The following POLR3B variants were observed in gnomAD, a reference collection of about 807,000 sequenced individuals.
POLR3B encodes RNA polymerase III subunit B.
Under a neutral mutation model 147.4 loss-of-function variants are expected in POLR3B, and 96 were observed. That is an observed-to-expected ratio of 0.65 (90% CI 0.55 to 0.77). The LOEUF (loss-of-function observed/expected upper bound fraction) is 0.77. POLR3B is among the 30% of genes least tolerant of loss of function. The pLI is 0.00. For synonymous variants in POLR3B, 461 were observed against 485.9 expected, an observed-to-expected ratio of 0.95 and a Z score of 0.67; for missense variants, 1,036 against 1,413.5, an observed-to-expected ratio of 0.73 and a Z score of 4.28.
intron 23 of POLR3B, among the ~76,000 whole-genome samples, chr12:106,468,166 C>T (rs1472837555): frequency 6.6e-6 from 1 of 152,090 alleles, no homozygotes; most frequent in African/African-American, 2.4e-5. Context: ...CAACTTCTTC[C>T]TGGTTTAGTC....
intron 10 of POLR3B, among the ~76,000 whole-genome samples, chr12:106,397,234 T>C (rs541789429): frequency 6.6e-6 from 1 of 152,130 alleles, no homozygotes; most frequent in Non-Finnish European, 1.5e-5. Flanking sequence ...GTACAGAGAA[T>C]AGTGTTATAA....
At chr12:106,358,082 A>C (rs1170417995) in intron 1 of POLR3B, 131 bp downstream of exon 1, 3 of 1,530,966 alleles carry the variant, frequency 2.0e-6, no homozygotes, top group Non-Finnish European at 2.6e-6. Flanking sequence ...GCGCATGCCC[A>C]GAGCGTCGCG....
At chr12:106,389,036 A>T (rs1593012674) in intron 9 of POLR3B, among the ~76,000 whole-genome samples, 1 of 152,156 alleles carries the variant, frequency 6.6e-6, no homozygotes, top group Admixed American at 6.5e-5. Flanking sequence ...TTTACTTTTG[A>T]CTTATTAGAA....
chr12:106,401,196 G>C lies in POLR3B; in HGVS notation c.847-4661G>C, dbSNP rs528447659. Among the ~76,000 whole-genome samples, 635 of 152,166 alleles carry C rather than the reference G, an allele frequency of 4.2e-3. 7 individuals carry two copies. The highest frequency in any genetic ancestry group is 0.014 in the African/African-American group (597 of 41,528). ...TACCATCAGAGAATACTATAAACAT[G>C]TCTATGCAAATAAACTAGAAAATCT... On this transcript the variant is annotated intron_variant, in intron 10 of 27. Transcript: ENST00000228347.
At chr12:106,474,552 TG>T (rs1222342350) in intron 23 of POLR3B, among the ~76,000 whole-genome samples, 1 of 144,216 alleles carries the variant, frequency 6.9e-6, no homozygotes, top group Non-Finnish European at 1.5e-5. Context: ...CTCCTGTTAT[TG>T]GTCTATTCAG....
chr12:106,372,857 A>G (rs1274334876), intron 6 of POLR3B, among the ~76,000 whole-genome samples: 1 of 149,308 alleles, frequency 6.7e-6, no homozygotes, highest in Non-Finnish European at 1.5e-5. Flanking sequence ...ATGTCATATT[A>G]CATAACTTTA....
intron 12 of POLR3B, among the ~76,000 whole-genome samples, chr12:106,414,368 T>G (rs1343592839): frequency 6.6e-6 from 1 of 152,102 alleles, no homozygotes; most frequent in African/African-American, 2.4e-5. Flanking sequence ...GTTTATGAAC[T>G]CATATTTAAT....
intron 6 of POLR3B, among the ~76,000 whole-genome samples, chr12:106,373,557 C>T (rs2036637776): frequency 6.6e-6 from 1 of 152,064 alleles, no homozygotes; most frequent in Non-Finnish European, 1.5e-5. Flanking sequence ...AGTTCGAGAC[C>T]AGCCTGGCCA....
intron 12 of POLR3B, among the ~76,000 whole-genome samples, chr12:106,416,518 C>G (rs181690987): frequency 6.6e-6 from 1 of 152,172 alleles, no homozygotes; most frequent in Non-Finnish European, 1.5e-5. Context: ...TGAGCATTCT[C>G]TGTGTGATTA....
chr12:106,449,132 C>G (rs1245317444), intron 19 of POLR3B, among the ~76,000 whole-genome samples: 1 of 152,086 alleles, frequency 6.6e-6, no homozygotes, highest in Non-Finnish European at 1.5e-5. Flanking sequence ...GGATGGGACC[C>G]AAGTCTAAAC....
chr12:106,492,977 C>T (rs963739428), intron 23 of POLR3B, among the ~76,000 whole-genome samples: 3 of 152,100 alleles, frequency 2.0e-5, no homozygotes, highest in Non-Finnish European at 2.9e-5. Flanking sequence ...TGTTCCTGAG[C>T]ATGTTAAACT....
In POLR3B at chr12:106,428,754, G is replaced by A. The variant is rs181875475; in HGVS notation, c.1263+1396G>A. ...AAGTAATAATATGAGAGGTTCATTTGTGGGATATATATGGTCGCTGTGTTT... is the reference window on the plus strand; with the variant it reads ...AAGTAATAATATGAGAGGTTCATTTATGGGATATATATGGTCGCTGTGTTT... On this transcript the variant is annotated intron_variant, in intron 13 of 27. Coordinates refer to ENST00000228347, the MANE Select transcript of POLR3B (RefSeq NM_018082.6). 2.2e-3 allele frequency among the ~76,000 whole-genome samples: 338 copies of A among 152,290 alleles called. 1 individual carries two copies. Among genetic ancestry groups the A allele is most frequent in the Non-Finnish European group, 3.8e-3 (256 of 68,024 alleles).
intron 23 of POLR3B, among the ~76,000 whole-genome samples, chr12:106,478,957 T>C (rs972019043): frequency 2.6e-5 from 4 of 152,146 alleles, no homozygotes; most frequent in Non-Finnish European, 5.9e-5. Flanking sequence ...TTCCTCGTGT[T>C]TTTGTGCCCT....
At chr12:106,451,742 T>A (rs1400360925) in intron 19 of POLR3B, among the ~76,000 whole-genome samples, 3 of 152,130 alleles carry the variant, frequency 2.0e-5, no homozygotes, top group Admixed American at 1.3e-4. Context: ...CAGCATACAT[T>A]TTCTAAGCTG....
At chr12:106,400,120 A>C (rs962468675) in intron 10 of POLR3B, among the ~76,000 whole-genome samples, 2 of 152,220 alleles carry the variant, frequency 1.3e-5, no homozygotes, top group African/African-American at 4.8e-5. Context: ...ATAGGCTCAA[A>C]ATAAAGGGAT....
rs190547175 is a variant in POLR3B, at chr12:106,364,864, G to A, written c.105+962G>A. Reference sequence around the variant, plus strand: ...AGACTTGAAAAATGAGGCCGGGCGCGGTGGCTCACGCCTGTAATCCCAGCA... The same window carrying A: ...AGACTTGAAAAATGAGGCCGGGCGCAGTGGCTCACGCCTGTAATCCCAGCA... On this transcript the variant is annotated intron_variant, in intron 2 of 27. Transcript: ENST00000228347. 9.8e-5 allele frequency among the ~76,000 whole-genome samples: 15 copies of A among 152,308 alleles called. No homozygotes were observed. The East Asian group carries it at 1.9e-3, about 20-fold the overall frequency.
chr12:106,466,510 A>G (rs1396078963), intron 23 of POLR3B, among the ~76,000 whole-genome samples: 5 of 152,116 alleles, frequency 3.3e-5, no homozygotes, highest in Non-Finnish European at 7.4e-5. Context: ...TTGGTGTTTT[A>G]GACATGAAGT....
intron 15 of POLR3B, 148 bp downstream of exon 15, chr12:106,432,628 C>T: frequency 1.3e-6 from 1 of 745,826 alleles, no homozygotes; most frequent in Non-Finnish European, 2.4e-6. Context: ...ACAATGATAA[C>T]AGAAACAGTT....
At position 106,501,389 on chromosome 12, in the gene POLR3B, A is replaced by G. The variant is rs144051136; in HGVS notation, c.3051A>G (p.Leu1017=). ...VYYQKLKHMV[L]DKMHARARGP... is the part of the protein sequence containing the mutation. ...ATCAGAAGCTGAAACACATGGTGCT[A>G]GATAAAATGCATGCCCGGGCCCGGG... Residue 1017 remains leucine, a synonymous_variant, in exon 26 of 28, where the codon CTA becomes CTG. Coordinates refer to ENST00000228347, the MANE Select transcript of POLR3B (RefSeq NM_018082.6). 118 of 1,613,778 alleles carry G rather than the reference A, an allele frequency of 7.3e-5. No homozygotes were observed. The highest frequency in any genetic ancestry group is 9.5e-5 in the Non-Finnish European group (112 of 1,179,746).
Sources: allele counts gnomAD v4.1 joint callset (sites outside exome capture counted in the v4.1 genomes callset), GRCh38; gene constraint gnomAD v4.1.1; transcripts MANE v1.5; gene names NCBI Gene and HGNC (gene_info 2026-07-23, HGNC 2026-07-21).